The following GABRB3 variants were observed in gnomAD, a reference collection of about 807,000 sequenced individuals.
GABRB3 encodes the protein gamma-aminobutyric acid receptor subunit beta-3.
A neutral mutation model predicts 52.1 loss-of-function variants in GABRB3; 14 were observed. That is an observed-to-expected ratio of 0.27 (90% CI 0.18 to 0.42). The LOEUF (loss-of-function observed/expected upper bound fraction) is 0.42, where lower values mean the gene tolerates loss of function less well. GABRB3 is among the 10% of genes least tolerant of loss of function. The pLI, the probability that GABRB3 is intolerant of heterozygous loss-of-function variation, is 1.00. For missense variants in GABRB3, 307 were observed against 609.1 expected (o/e 0.50, Z 5.22); for synonymous variants, 260 against 232.3 (o/e 1.12, Z -1.08).
At chr15:26,646,410 C>T (rs1887009942) in intron 3 of GABRB3, among the ~76,000 whole-genome samples, 1 of 152,122 alleles carries the variant, frequency 6.6e-6, no homozygotes, top group Non-Finnish European at 1.5e-5. Context: ...CTTTTTATTG[C>T]CAAACATGAT....
intron 3 of GABRB3, among the ~76,000 whole-genome samples, chr15:26,725,842 A>C (rs1360777512): frequency 1.3e-5 from 2 of 152,218 alleles, no homozygotes; most frequent in African/African-American, 4.8e-5. Context: ...GCATGAAACA[A>C]AGTTTGCATA....
intron 8 of GABRB3, 90 bp downstream of exon 8, chr15:26,560,842 T>A (rs990060981): frequency 8.3e-6 from 13 of 1,569,940 alleles, no homozygotes; most frequent in Non-Finnish European, 7.0e-6. Flanking sequence ...CATACACTAC[T>A]GGGGAAAAAA....
chr15:26,565,060 T>C (rs950296337), intron 7 of GABRB3, among the ~76,000 whole-genome samples: 7 of 152,216 alleles, frequency 4.6e-5, no homozygotes, highest in Non-Finnish European at 1.0e-4. Context: ...CTTCGTACTG[T>C]GCTGTGAGTC....
chr15:26,552,258 C>T (rs1382292520), intron 8 of GABRB3, among the ~76,000 whole-genome samples: 1 of 152,186 alleles, frequency 6.6e-6, no homozygotes, highest in Non-Finnish European at 1.5e-5. Flanking sequence ...CCTCCCGCCT[C>T]GGCCTCCCAA....
intron 3 of GABRB3, among the ~76,000 whole-genome samples, chr15:26,716,433 G>T (rs1019356265): frequency 6.6e-6 from 1 of 152,132 alleles, no homozygotes; most frequent in Non-Finnish European, 1.5e-5. Context: ...TCAGAGCTAA[G>T]AGCTCCCCTC....
chr15:26,677,382 C>T (rs1888102902), intron 3 of GABRB3, among the ~76,000 whole-genome samples: 1 of 152,194 alleles, frequency 6.6e-6, no homozygotes, highest in Non-Finnish European at 1.5e-5. Context: ...AAAGTCCTCT[C>T]ATTCATGGAC....
intron 3 of GABRB3, among the ~76,000 whole-genome samples, chr15:26,751,120 C>T (rs945655853): frequency 2.6e-5 from 4 of 152,042 alleles, no homozygotes; most frequent in African/African-American, 9.7e-5. Flanking sequence ...CTATGTGATG[C>T]GTTTTTACAA....
intron 3 of GABRB3, among the ~76,000 whole-genome samples, chr15:26,738,178 G>T (rs1281918242): frequency 1.3e-5 from 2 of 152,078 alleles, no homozygotes; most frequent in Non-Finnish European, 2.9e-5. Flanking sequence ...CACCTCCCCA[G>T]TTCCAGCAAT....
chr15:26,710,904 T>C (rs1595544247), intron 3 of GABRB3, among the ~76,000 whole-genome samples: 1 of 148,976 alleles, frequency 6.7e-6, no homozygotes, highest in Non-Finnish European at 1.5e-5. Context: ...TGATCTTTTT[T>C]TTTTTTTCCA....
At chr15:26,703,686 T>C (rs1168917686) in intron 3 of GABRB3, among the ~76,000 whole-genome samples, 2 of 152,092 alleles carry the variant, frequency 1.3e-5, no homozygotes, top group Non-Finnish European at 2.9e-5. Context: ...CAAAAGACAA[T>C]GGAGGGCCAG....
At chr15:26,760,463 A>G (rs1025904225) in intron 3 of GABRB3, among the ~76,000 whole-genome samples, 3 of 152,116 alleles carry the variant, frequency 2.0e-5, no homozygotes, top group Admixed American at 6.6e-5. Flanking sequence ...TGAAAGCTAA[A>G]CCCTCTATGT....
chr15:26,571,004 G>T (rs1890372847), intron 6 of GABRB3, among the ~76,000 whole-genome samples: 1 of 152,078 alleles, frequency 6.6e-6, no homozygotes, highest in African/African-American at 2.4e-5. Flanking sequence ...GGAGTATTTA[G>T]TTTCTTTATA....
intron 3 of GABRB3, among the ~76,000 whole-genome samples, chr15:26,743,377 G>T (rs949079398): frequency 1.3e-5 from 2 of 152,142 alleles, no homozygotes; most frequent in Non-Finnish European, 2.9e-5. Flanking sequence ...CCAGTTCCAC[G>T]AAGGCTACAT....
At chr15:26,720,709 C>T (rs1223398451) in intron 3 of GABRB3, among the ~76,000 whole-genome samples, 1 of 152,196 alleles carries the variant, frequency 6.6e-6, no homozygotes, top group Non-Finnish European at 1.5e-5. Context: ...GGCCTTCACA[C>T]ATACGCAATC....
At chr15:26,755,514 C>T (rs988027818) in intron 3 of GABRB3, among the ~76,000 whole-genome samples, 6 of 151,986 alleles carry the variant, frequency 3.9e-5, no homozygotes, top group African/African-American at 9.7e-5. Flanking sequence ...AAAGTATATG[C>T]TATTTTTTAC....
At chr15:26,732,318 ATG>A (rs1185319316) in intron 3 of GABRB3, among the ~76,000 whole-genome samples, 4 of 148,718 alleles carry the variant, frequency 2.7e-5, no homozygotes, top group Non-Finnish European at 5.9e-5. Context: ...GGATGGATGG[ATG>A]GATGGATGGA....
At chr15:26,745,670 T>C (rs1392145162) in intron 3 of GABRB3, among the ~76,000 whole-genome samples, 1 of 152,232 alleles carries the variant, frequency 6.6e-6, no homozygotes, top group Non-Finnish European at 1.5e-5. Flanking sequence ...ACCACTAATG[T>C]GTCCTCTTTC....
At chr15:26,708,194 G>A (rs1410468228) in intron 3 of GABRB3, among the ~76,000 whole-genome samples, 1 of 152,166 alleles carries the variant, frequency 6.6e-6, no homozygotes. Context: ...TGTTCTTCTA[G>A]AGTTTGAATC....
At chr15:26,613,692 T>C (rs1307641244) in intron 4 of GABRB3, 1 of 152,138 alleles carries the variant, frequency 6.6e-6, no homozygotes, top group Non-Finnish European at 1.5e-5. Flanking sequence ...TATATTCTCA[T>C]AGTGGCTTCC....
Sources: allele counts gnomAD v4.1 joint callset (sites outside exome capture counted in the v4.1 genomes callset), GRCh38; gene constraint gnomAD v4.1.1; transcripts MANE v1.5; gene names NCBI Gene and HGNC (gene_info 2026-07-23, HGNC 2026-07-21).